RUNX2: variants seen among roughly 807,000 people sequenced by gnomAD.
The protein encoded by RUNX2 is runt-related transcription factor 2.
RUNX2 carries 10 observed loss-of-function variants against 51.7 expected under a neutral mutation model. That is an observed-to-expected ratio of 0.19 (90% CI 0.12 to 0.33). RUNX2 has a LOEUF of 0.33. Among genes scored for constraint, RUNX2 ranks in the 10% least tolerant of loss-of-function variants. RUNX2 has a pLI of 1.00. For missense variants in RUNX2, 562 were observed against 691.3 expected (o/e 0.81, Z 2.10); for synonymous variants, 276 against 273.6 (o/e 1.01, Z -0.09).
intron 5 of RUNX2, among the ~76,000 whole-genome samples, chr6:45,464,194 A>G (rs77952437): frequency 1.3e-5 from 2 of 150,164 alleles, no homozygotes; most frequent in South Asian, 4.2e-4. Flanking sequence ...CTCCGTCTAA[A>G]AAAAAAAAAA....
intron 2 of RUNX2, among the ~76,000 whole-genome samples, chr6:45,350,994 C>T (rs1229217860): frequency 1.3e-5 from 2 of 152,070 alleles, no homozygotes; most frequent in African/African-American, 2.4e-5. Context: ...ACTGCACACG[C>T]GAAGGATCTA....
chr6:45,386,931 A>G (rs893469332), intron 2 of RUNX2, among the ~76,000 whole-genome samples: 6 of 152,220 alleles, frequency 3.9e-5, no homozygotes, highest in African/African-American at 1.2e-4. Context: ...ATGCAATGAC[A>G]TAGTTTGCTT....
At chr6:45,503,477 T>G (rs549712744) in intron 6 of RUNX2, among the ~76,000 whole-genome samples, 7 of 152,316 alleles carry the variant, frequency 4.6e-5, no homozygotes, top group African/African-American at 1.7e-4. Flanking sequence ...ATTTCCTGGA[T>G]GTTGACATCA....
chr6:45,423,263 C>T (rs1798278261), intron 3 of RUNX2, among the ~76,000 whole-genome samples: 1 of 152,136 alleles, frequency 6.6e-6, no homozygotes, highest in Non-Finnish European at 1.5e-5. Flanking sequence ...CTCACTCCTT[C>T]GCGCCGTCTC....
intron 2 of RUNX2, among the ~76,000 whole-genome samples, chr6:45,352,793 C>G (rs1581821158): frequency 6.6e-6 from 1 of 152,058 alleles, no homozygotes; most frequent in Non-Finnish European, 1.5e-5. Flanking sequence ...TACCTTTATT[C>G]TTTATTACTT....
intron 2 of RUNX2, among the ~76,000 whole-genome samples, chr6:45,370,675 A>G (rs1473238940): frequency 1.3e-5 from 2 of 152,320 alleles, no homozygotes; most frequent in Non-Finnish European, 2.9e-5. Flanking sequence ...TCTGAATTGA[A>G]AATATCAAAA....
At chr6:45,545,579 A>T (rs1802375138) in intron 8 of RUNX2, among the ~76,000 whole-genome samples, 1 of 152,226 alleles carries the variant, frequency 6.6e-6, no homozygotes, top group Non-Finnish European at 1.5e-5. Context: ...GAGGTGAAGA[A>T]GTACCCATTC....
intron 2 of RUNX2, among the ~76,000 whole-genome samples, chr6:45,369,631 T>A (rs2150301575): frequency 6.6e-6 from 1 of 152,256 alleles, no homozygotes; most frequent in Admixed American, 6.5e-5. Flanking sequence ...GACACACTCT[T>A]ATTTAAAGCC....
rs1563118471 is a variant in RUNX2, at chr6:45,512,343, C to T, written c.957C>T (p.Thr319=). 1 of 1,614,172 alleles carries T rather than the reference C, an allele frequency of 6.2e-7. No homozygotes were observed. Among genetic ancestry groups the T allele is most frequent in the South Asian group, 1.1e-5 (1 of 91,088 alleles). The change falls in exon 7 of 9, where the codon ACC becomes ACT. Residue 319 remains threonine (T), a synonymous_variant. Transcript: ENST00000647337. ...CGTCCCCGTCCATCCACTCTACCAC[C>T]CCGCTGTCTTCCACACGGGGCACTG... is the stretch of plus-strand genomic sequence containing the variant. ...QMTSPSIHST[T]PLSSTRGTGL...
intron 3 of RUNX2, among the ~76,000 whole-genome samples, chr6:45,428,406 T>G (rs1242051052): frequency 1.3e-5 from 2 of 152,064 alleles, no homozygotes; most frequent in Non-Finnish European, 2.9e-5. Flanking sequence ...ACTCCCAACC[T>G]TTTCTCCCCC....
chr6:45,461,732 G>A (rs576137251), intron 5 of RUNX2, among the ~76,000 whole-genome samples: 70 of 151,542 alleles, frequency 4.6e-4, no homozygotes, highest in Admixed American at 1.3e-3. Flanking sequence ...AAGCCAAATA[G>A]TGATAGAATG....
At chr6:45,512,529 A>T in intron 7 of RUNX2, 122 bp downstream of exon 7, 1 of 1,039,716 alleles carries the variant, frequency 9.6e-7, no homozygotes, top group East Asian at 2.5e-5. Context: ...GGGCAAGGGA[A>T]TGACAACTGG....
chr6:45,370,689 C>G (rs796839986), intron 2 of RUNX2, among the ~76,000 whole-genome samples: 1 of 151,916 alleles, frequency 6.6e-6, no homozygotes, highest in African/African-American at 2.4e-5. Context: ...ATCAAAACAC[C>G]CTGTAAACAT....
rs377283080 is a variant in RUNX2, at chr6:45,411,051, A to T, written c.59-11542A>T. On this transcript the variant is annotated intron_variant, in intron 2 of 8. Coordinates refer to ENST00000647337, the MANE Select transcript of RUNX2 (RefSeq NM_001024630.4). Reference sequence around the variant, plus strand: ...GCTCTGTTCCTGGAAGGGAGTTCAAAGGGAAGAGACCAAGTCTCCACTCCA... The same window carrying T: ...GCTCTGTTCCTGGAAGGGAGTTCAATGGGAAGAGACCAAGTCTCCACTCCA... Among the ~76,000 whole-genome samples, 9 of 152,314 alleles carry T rather than the reference A, an allele frequency of 5.9e-5. No homozygotes were observed. In the East Asian group the frequency reaches 1.7e-3, roughly 29 times the overall value.
intron 4 of RUNX2, among the ~76,000 whole-genome samples, chr6:45,433,896 C>A (rs1798611373): frequency 6.6e-6 from 1 of 152,166 alleles, no homozygotes; most frequent in Admixed American, 6.5e-5. Context: ...CCCCCTCCCC[C>A]TATATTTCTT....
intron 5 of RUNX2, among the ~76,000 whole-genome samples, chr6:45,460,812 C>G (rs1467422925): frequency 6.6e-6 from 1 of 152,102 alleles, no homozygotes; most frequent in Non-Finnish European, 1.5e-5. Flanking sequence ...ACCACTTTGT[C>G]TCTCAGAGCC....
chr6:45,335,828 T>A (rs1055951609), intron 2 of RUNX2, among the ~76,000 whole-genome samples: 5 of 151,322 alleles, frequency 3.3e-5, no homozygotes, highest in Non-Finnish European at 7.4e-5. Context: ...TAAGATTAAT[T>A]TTTTTACCTC....
intron 2 of RUNX2, among the ~76,000 whole-genome samples, chr6:45,329,750 A>C (rs1231305713): frequency 1.3e-5 from 2 of 151,968 alleles, no homozygotes; most frequent in African/African-American, 4.8e-5. Flanking sequence ...TTTAATTTCA[A>C]GTTACTGTTG....
chr6:45,427,470 G>C (rs1167522497), intron 3 of RUNX2, among the ~76,000 whole-genome samples: 1 of 151,920 alleles, frequency 6.6e-6, no homozygotes, highest in Non-Finnish European at 1.5e-5. Context: ...TAAGTTCTAG[G>C]ATAAATTCAA....
Sources: gnomAD v4.1 joint callset for allele counts (sites outside exome capture counted in the v4.1 genomes callset) on GRCh38, gnomAD v4.1.1 for gene constraint, MANE v1.5 for transcripts, NCBI Gene and HGNC (gene_info 2026-07-23, HGNC 2026-07-21) for gene names.